The following TPO variants were observed in gnomAD, a reference collection of about 807,000 sequenced individuals.
TPO encodes thyroid peroxidase, also known as thyroid microsomal antigen.
In TPO, 78 loss-of-function variants were observed where a neutral mutation model predicts 96.9. The observed-to-expected ratio is 0.81, with a 90% CI of 0.67 to 0.97. The LOEUF is 0.97. TPO is among the 50% of genes least tolerant of loss of function. TPO has a pLI of 0.00. For synonymous variants in TPO, 547 were observed against 538.0 expected (o/e 1.02, Z -0.23); for missense variants, 1,252 against 1,274.8 (o/e 0.98, Z 0.27).
chr2:1,475,951 C>T (rs766171128), intron 7 of TPO, among the ~76,000 whole-genome samples: 1 of 142,544 alleles, frequency 7.0e-6, no homozygotes, highest in Non-Finnish European at 1.5e-5. Flanking sequence ...CACCTACATT[C>T]TTTCTGCTGC....
chr2:1,393,574 C>T (rs149075196), intron 1 of TPO, among the ~76,000 whole-genome samples: 2,970 of 152,298 alleles, frequency 0.02, 71 homozygotes, highest in South Asian at 0.12. Context: ...CCTGTGAACC[C>T]GCTGATAGCA....
Position 1,375,337 on chromosome 2 carries a change from G to A in TPO, n.180+935G>A, listed in dbSNP as rs115016801. ...CAGTATTGTAAGCCAAAAAGTGACCGAAGCAGATCTCAGTCAATTAGAAGT... is the reference window on the plus strand; with the variant it reads ...CAGTATTGTAAGCCAAAAAGTGACCAAAGCAGATCTCAGTCAATTAGAAGT... On this transcript the variant is annotated intron_variant and non_coding_transcript_variant, in intron 1 of 5. Coordinates refer to the TPO transcript ENST00000497517. 7.0e-3 allele frequency among the ~76,000 whole-genome samples: 1,072 copies of A among 152,208 alleles called. 23 individuals carry two copies. Among genetic ancestry groups the A allele is most frequent in the African/African-American group, 0.023 (961 of 41,528 alleles).
intron 7 of TPO, among the ~76,000 whole-genome samples, chr2:1,460,917 A>T (rs758523244): frequency 1.2e-4 from 18 of 152,124 alleles, no homozygotes; most frequent in Non-Finnish European, 1.9e-4. Context: ...TGGGGGCTCC[A>T]CCTTTGGGGA....
intron 14 of TPO, among the ~76,000 whole-genome samples, chr2:1,508,984 T>C (rs983341295): frequency 6.6e-6 from 1 of 152,250 alleles, no homozygotes; most frequent in African/African-American, 2.4e-5. Context: ...TGTTAGGATG[T>C]CAATTTTAGA....
intron 5 of TPO, among the ~76,000 whole-genome samples, chr2:1,436,707 G>A (rs562610982): frequency 7.2e-5 from 11 of 151,988 alleles, no homozygotes; most frequent in African/African-American, 2.2e-4. Flanking sequence ...CCTTGATTTC[G>A]CTAGCTCCGC....
intron 1 of TPO, among the ~76,000 whole-genome samples, chr2:1,398,062 C>G (rs1054299147): frequency 6.6e-6 from 1 of 152,242 alleles, no homozygotes; most frequent in African/African-American, 2.4e-5. Flanking sequence ...GCTCCACTTC[C>G]AGACAGTGAA....
At chr2:1,509,785 G>C (rs78981183) in intron 14 of TPO, among the ~76,000 whole-genome samples, 47 of 67,854 alleles carry the variant, frequency 6.9e-4, no homozygotes, top group African/African-American at 2.8e-3. Context: ...CTACCCTTTT[G>C]TTTCAGGGAC....
At chr2:1,536,768 CTG>C (rs140456244) in intron 15 of TPO, among the ~76,000 whole-genome samples, 8,979 of 99,752 alleles carry the variant, frequency 0.09, 714 homozygotes, top group Non-Finnish European at 0.11. Context: ...CCCCATCACT[CTG>C]TGTAATCTCC....
At chr2:1,521,593 T>G (rs954758492) in intron 15 of TPO, among the ~76,000 whole-genome samples, 5 of 152,148 alleles carry the variant, frequency 3.3e-5, no homozygotes, top group Non-Finnish European at 7.4e-5. Flanking sequence ...AACTGCATGT[T>G]GATGACAGGA....
At chr2:1,498,218 A>G (rs1672546784) in intron 13 of TPO, among the ~76,000 whole-genome samples, 1 of 152,206 alleles carries the variant, frequency 6.6e-6, no homozygotes, top group Non-Finnish European at 1.5e-5. Context: ...ACCCTCAGTC[A>G]TAAAGGGAGA....
chr2:1,476,945 T>C (rs1310852856), intron 7 of TPO, 141 bp from the exon 8 acceptor site: 3 of 1,097,888 alleles, frequency 2.7e-6, no homozygotes, highest in Non-Finnish European at 3.8e-6. Context: ...GTGAGGGGAC[T>C]GGCTGGACTG....
intron 7 of TPO, among the ~76,000 whole-genome samples, chr2:1,472,827 C>CAAAAAAAAAAAAAA (rs34064729): frequency 2.1e-5 from 1 of 48,336 alleles, no homozygotes; most frequent in Non-Finnish European, 3.5e-5. Context: ...TGTTTGGCGG[C>CAAAAAAAAAAAAAA]AAAAAAAAAA....
chr2:1,428,925 G>A (rs1160204252), intron 3 of TPO, among the ~76,000 whole-genome samples: 1 of 152,096 alleles, frequency 6.6e-6, no homozygotes, highest in African/African-American at 2.4e-5. Flanking sequence ...CCTGTCTTTG[G>A]CTGGCATCCA....
rs2276701 is a variant in TPO, at chr2:1,423,015, G to A, written c.95-30G>A. On this transcript the variant is annotated intron_variant, in intron 2 of 16. Coordinates refer to ENST00000329066, the MANE Select transcript of TPO (RefSeq NM_001206744.2). The stretch of plus-strand genomic sequence containing the variant: ...CAGTGAATCGCTGAACTGTCATTGC[G>A]CTTTGACTGTGTGACATTCTGTTCC... 369,539 of 1,607,208 alleles carry A rather than the reference G, an allele frequency of 0.23. 43,940 individuals are homozygous for A. Among genetic ancestry groups the A allele is most frequent in the Admixed American group, 0.35 (20,982 of 59,946 alleles).
chr2:1,487,154 G>A (rs1461309338), intron 9 of TPO, among the ~76,000 whole-genome samples: 2 of 152,150 alleles, frequency 1.3e-5, no homozygotes, highest in Non-Finnish European at 2.9e-5. Flanking sequence ...CACTCCCTCA[G>A]CTAAGCTGAG....
intron 5 of TPO, among the ~76,000 whole-genome samples, chr2:1,440,221 G>T (rs1305594508): frequency 3.3e-5 from 5 of 152,152 alleles, no homozygotes; most frequent in Non-Finnish European, 2.9e-5. Flanking sequence ...ACCTTTGGGT[G>T]TTGGCTGCAA....
intron 10 of TPO, among the ~76,000 whole-genome samples, chr2:1,491,591 A>C (rs552851430): frequency 6.6e-6 from 1 of 152,342 alleles, no homozygotes; most frequent in East Asian, 1.9e-4. Context: ...TCTGAAAATA[A>C]CTGCATTCTT....
upstream of TPO, among the ~76,000 whole-genome samples, chr2:1,412,299 TC>T (rs1379369699): frequency 6.6e-6 from 1 of 152,230 alleles, no homozygotes; most frequent in East Asian, 1.9e-4. Context: ...TCTGTGCTTT[TC>T]TTCTGTTCCC....
chr2:1,403,977 C>A (rs1348760893), intron 1 of TPO, among the ~76,000 whole-genome samples: 1 of 152,222 alleles, frequency 6.6e-6, no homozygotes, highest in Non-Finnish European at 1.5e-5. Flanking sequence ...CAGCCTGCAC[C>A]AATTCAGAGT....
Sources: allele counts gnomAD v4.1 joint callset (sites outside exome capture counted in the v4.1 genomes callset), GRCh38; gene constraint gnomAD v4.1.1; transcripts MANE v1.5; gene names NCBI Gene and HGNC (gene_info 2026-07-23, HGNC 2026-07-21).